The following SAMD12 variants were observed in gnomAD, a reference collection of about 807,000 sequenced individuals.
SAMD12 encodes the protein sterile alpha motif domain-containing protein 12.
A neutral mutation model predicts 15.0 loss-of-function variants in SAMD12; 9 were observed. That is an observed-to-expected ratio of 0.60 (90% CI 0.36 to 1.05). The LOEUF (loss-of-function observed/expected upper bound fraction) is 1.05, where lower values mean the gene tolerates loss of function less well. SAMD12 is among the 50% of genes least tolerant of loss of function. The probability of loss-of-function intolerance (pLI) is 0.01; values close to 1 mark genes in which losing one functional copy is unlikely to be tolerated. For synonymous variants in SAMD12, 86 were observed against 90.1 expected, an observed-to-expected ratio of 0.96 and a Z score of 0.25; for missense variants, 230 against 234.2, an observed-to-expected ratio of 0.98 and a Z score of 0.12.
Position 118,468,481 on chromosome 8 carries a change from G to A in SAMD12, c.193-28520C>T, listed in dbSNP as rs1318443907. ...CCCAATGCAAAGAGAGAGCCAGTGAGGCACACGGTTCTTCAGAGAGCTCTG... is the reference window on the plus strand; with the variant it reads ...CCCAATGCAAAGAGAGAGCCAGTGAAGCACACGGTTCTTCAGAGAGCTCTG... On this transcript the variant is annotated intron_variant, in intron 2 of 3. Transcript: ENST00000314727. Among the ~76,000 whole-genome samples, 4 of 152,112 alleles carry A rather than the reference G, an allele frequency of 2.6e-5. 1 individual carries two copies. The South Asian group carries it at 6.2e-4, about 24-fold the overall frequency.
intron 4 of SAMD12, among the ~76,000 whole-genome samples, chr8:118,277,250 C>T (rs910808952): frequency 7.9e-5 from 12 of 152,148 alleles, no homozygotes; most frequent in Admixed American, 6.5e-5. Context: ...GTGCATAGTT[C>T]GAGTTCAAAA....
In SAMD12 at chr8:118,379,082, A is replaced by C; in HGVS notation, c.*335T>G. The C allele has an allele frequency of 9.5e-7, 1 of 1,057,630 alleles. No individual in the cohort carries two copies. Among genetic ancestry groups the C allele is most frequent in the Non-Finnish European group, 1.1e-6 (1 of 873,564 alleles). The allele number at this position is 1,057,630 out of a possible 1,614,324, so 65.5% of individuals were successfully genotyped here. Reference sequence around the variant, plus strand: ...TTTCTCCCACTAACCGGTGAAAAGCAAAACAAAAATACAACAAAAACTCCA... The same window carrying C: ...TTTCTCCCACTAACCGGTGAAAAGCCAAACAAAAATACAACAAAAACTCCA... On this transcript the variant is annotated 3_prime_UTR_variant, in exon 4 of 4. Coordinates refer to ENST00000314727, the MANE Select transcript of SAMD12 (RefSeq NM_207506.3).
rs755656421 is a variant in SAMD12, at chr8:118,536,599, CAACTT to C, written c.192+44111_192+44115del. ...ATTGCCCATTATTTTAAACTGATGA[CAACTT>C]AACACTCATTGCATAAACAAACAAG... On this transcript the variant is annotated intron_variant, in intron 2 of 3. Transcript: ENST00000314727. Among the ~76,000 whole-genome samples the C allele has an allele frequency of 9.6e-4, 146 of 152,258 alleles. No individual in the cohort carries two copies. In the Middle Eastern group the frequency reaches 0.02, roughly 21 times the overall value.
chr8:118,332,128 A>C (rs1257571417), intron 4 of SAMD12, among the ~76,000 whole-genome samples: 2 of 152,208 alleles, frequency 1.3e-5, no homozygotes, highest in Admixed American at 1.3e-4. Flanking sequence ...AAAACTTAAA[A>C]AGTCAAATGT....
chr8:118,136,568 T>A, the SAMD12 span, among the ~76,000 whole-genome samples: 1 of 152,208 alleles, frequency 6.6e-6, no homozygotes. Context: ...CCTCCTTAGA[T>A]GGGAAAGAAA....
intron 4 of SAMD12, among the ~76,000 whole-genome samples, chr8:118,299,746 G>A (rs956315488): frequency 5.3e-5 from 8 of 152,128 alleles, no homozygotes; most frequent in Non-Finnish European, 5.9e-5. Context: ...ATGGATTTAG[G>A]AGATCTTAGC....
At chr8:118,326,644 G>A (rs980508891) in intron 4 of SAMD12, among the ~76,000 whole-genome samples, 2 of 152,088 alleles carry the variant, frequency 1.3e-5, no homozygotes, top group Non-Finnish European at 2.9e-5. Flanking sequence ...GTTACTTTAA[G>A]GTATCTGGGG....
chr8:118,300,972 G>C (rs1211397260), intron 4 of SAMD12, among the ~76,000 whole-genome samples: 1 of 152,162 alleles, frequency 6.6e-6, no homozygotes, highest in East Asian at 1.9e-4. Context: ...CATTTATGGA[G>C]TCAAATAATT....
At chr8:118,492,141 A>ATTTTTTTT in intron 2 of SAMD12, among the ~76,000 whole-genome samples, 1 of 127,950 alleles carries the variant, frequency 7.8e-6, no homozygotes, top group Non-Finnish European at 1.6e-5. Flanking sequence ...TTTTTTTTTA[A>ATTTTTTTT]GTTTTAAGTC....
chr8:118,617,848 C>G (rs1828275207), intron 1 of SAMD12, among the ~76,000 whole-genome samples: 1 of 152,100 alleles, frequency 6.6e-6, no homozygotes, highest in Non-Finnish European at 1.5e-5. Flanking sequence ...CCCAATGAAT[C>G]CACATTTTTC....
chr8:118,378,652 C>G lies in SAMD12; in HGVS notation c.*765G>C. On this transcript the variant is annotated 3_prime_UTR_variant, in exon 4 of 4. Coordinates refer to ENST00000314727, the MANE Select transcript of SAMD12 (RefSeq NM_207506.3). ...GCAATTACAATATTCTGCAGAATGA[C>G]AAATACTCAAGGCTCTCAAAAACAC... 3.0e-6 allele frequency: 3 copies of G among 984,992 alleles called. No individual in the cohort carries two copies. Among genetic ancestry groups the G allele is most frequent in the Non-Finnish European group, 3.6e-6 (3 of 829,550 alleles). The allele number at this position is 984,992 out of a possible 1,614,324, so 61.0% of individuals were successfully genotyped here. A position where few individuals can be genotyped will look rare whatever the true frequency, so the allele number is the denominator to read the frequency against.
At chr8:118,357,049 C>T (rs1287315437) in intron 4 of SAMD12, among the ~76,000 whole-genome samples, 1 of 152,192 alleles carries the variant, frequency 6.6e-6, no homozygotes, top group Admixed American at 6.5e-5. Context: ...TCCAATCCAT[C>T]TCCACACAGC....
chr8:118,185,715 G>T (rs757943226), downstream of SAMD12, among the ~76,000 whole-genome samples: 6 of 152,164 alleles, frequency 3.9e-5, no homozygotes, highest in African/African-American at 9.7e-5. Context: ...TATGAGCCTT[G>T]TCCAAGGTTA....
chr8:118,552,524 C>T (rs995291546), intron 2 of SAMD12, among the ~76,000 whole-genome samples: 8 of 152,216 alleles, frequency 5.3e-5, no homozygotes, highest in East Asian at 1.9e-4. Flanking sequence ...GATGGGACGA[C>T]GTATTTCAAA....
chr8:118,141,292 GCA>G, the SAMD12 span, among the ~76,000 whole-genome samples: 2 of 152,152 alleles, frequency 1.3e-5, no homozygotes, highest in Non-Finnish European at 2.9e-5. Flanking sequence ...TAGAGAAGAT[GCA>G]AAAAATAAGA....
chr8:118,484,307 G>A (rs1057074744), intron 2 of SAMD12, among the ~76,000 whole-genome samples: 3 of 152,118 alleles, frequency 2.0e-5, no homozygotes, highest in African/African-American at 7.2e-5. Flanking sequence ...ATATCACTGT[G>A]CCCATGGTTT....
chr8:118,265,673 T>C (rs1372188714), intron 4 of SAMD12, among the ~76,000 whole-genome samples: 1 of 151,820 alleles, frequency 6.6e-6, no homozygotes, highest in Non-Finnish European at 1.5e-5. Flanking sequence ...ATTTAGAATC[T>C]AGTATGATAA....
At chr8:118,366,445 T>C (rs1335696354) in intron 4 of SAMD12, among the ~76,000 whole-genome samples, 1 of 152,164 alleles carries the variant, frequency 6.6e-6, no homozygotes, top group Non-Finnish European at 1.5e-5. Flanking sequence ...TAAATAGTAG[T>C]TGACACTTAG....
In SAMD12 at chr8:118,595,591, T is replaced by G. The variant is rs377491142; in HGVS notation, c.14-14698A>C. 7.3e-4 allele frequency among the ~76,000 whole-genome samples: 111 copies of G among 152,346 alleles called. 1 individual carries two copies. In the South Asian group the frequency reaches 0.023, roughly 31 times the overall value. On this transcript the variant is annotated intron_variant, in intron 1 of 3. Coordinates refer to ENST00000314727, the MANE Select transcript of SAMD12 (RefSeq NM_207506.3). Reference sequence around the variant, plus strand: ...CTATCAATCCAAGCATTTGCCTCCTTGGCTACTGCTGATAGCAAAAGCCAT... The same window carrying G: ...CTATCAATCCAAGCATTTGCCTCCTGGGCTACTGCTGATAGCAAAAGCCAT...
Sources: allele counts gnomAD v4.1 joint callset (sites outside exome capture counted in the v4.1 genomes callset), GRCh38; gene constraint gnomAD v4.1.1; transcripts MANE v1.5; gene names NCBI Gene and HGNC (gene_info 2026-07-23, HGNC 2026-07-21).